The following LRRC4B variants were observed in gnomAD, a reference collection of about 807,000 sequenced individuals.
LRRC4B encodes leucine rich repeat containing 4B, also known as leucine-rich repeat-containing protein 4B.
LRRC4B carries 1 observed loss-of-function variant against 7.3 expected under a neutral mutation model. The observed-to-expected ratio is 0.14, with a 90% CI of 0.05 to 0.65. The LOEUF is 0.65. Ranked by LOEUF, LRRC4B falls within the 30% of genes least tolerant of loss-of-function variation. The pLI is 0.84. For synonymous variants in LRRC4B, 500 were observed against 499.2 expected (o/e 1.00, Z -0.02); for missense variants, 730 against 1,041.6 (o/e 0.70, Z 4.12).
intron 1 of LRRC4B, among the ~76,000 whole-genome samples, chr19:50,549,968 A>G (rs970304766): frequency 5.9e-5 from 9 of 152,180 alleles, no homozygotes; most frequent in African/African-American, 1.7e-4. Flanking sequence ...TACCTCCCCA[A>G]TCTGTCCTGC....
intron 1 of LRRC4B, among the ~76,000 whole-genome samples, chr19:50,560,868 C>T (rs572217365): frequency 2.2e-3 from 338 of 152,190 alleles, no homozygotes; most frequent in Non-Finnish European, 4.3e-3. Flanking sequence ...ACGGGCGGAT[C>T]GCTTGAGGTC....
chr19:50,536,680 T>A (rs1981306063), intron 2 of LRRC4B, among the ~76,000 whole-genome samples: 1 of 152,084 alleles, frequency 6.6e-6, no homozygotes, highest in South Asian at 2.1e-4. Context: ...CACGGGGTGG[T>A]GACGAGACCA....
In LRRC4B at chr19:50,549,925, G is replaced by A. The variant is rs58154728; in HGVS notation, c.-35-1052C>T. Among the ~76,000 whole-genome samples, 746 of 152,294 alleles carry A rather than the reference G, an allele frequency of 4.9e-3. 7 individuals are homozygous for A. The highest frequency in any genetic ancestry group is 0.016 in the African/African-American group (684 of 41,564). On this transcript the variant is annotated intron_variant, in intron 1 of 2. Coordinates refer to ENST00000652263, the MANE Select transcript of LRRC4B (RefSeq NM_001080457.2). ...CTGGGTTCTGGGAGGAAAGCAGACA[G>A]CGGGGACTCGGGCCCTCTGAGAAGT...
rs983431158 is a variant in LRRC4B at position 50,537,673 on chromosome 19, C to A, written c.297+10869G>T. Among the ~76,000 whole-genome samples, 5 of 152,154 alleles carry A rather than the reference C, an allele frequency of 3.3e-5. No homozygotes were observed. Among genetic ancestry groups the A allele is most frequent in the African/African-American group, 1.2e-4 (5 of 41,440 alleles). ...AACAGGTGTGAGCCACCGCGCCCGG[C>A]CGACTGTTCTTTTCTGTAAGTGTGC... On this transcript the variant is annotated intron_variant, in intron 2 of 2. Coordinates refer to ENST00000652263, the MANE Select transcript of LRRC4B (RefSeq NM_001080457.2). The surrounding 1 kb of genome is among the most constrained non-coding windows in gnomAD (Gnocchi z 5.5).
chr19:50,528,538 T>C (rs1280209129), intron 2 of LRRC4B, among the ~76,000 whole-genome samples: 1 of 152,122 alleles, frequency 6.6e-6, no homozygotes, highest in Non-Finnish European at 1.5e-5. Flanking sequence ...AGAGACAGCA[T>C]TTCGCCATGC....
In LRRC4B at chr19:50,562,742, G is replaced by GTT. The variant is rs552875438; in HGVS notation, c.-36+5200_-36+5201dup. On this transcript the variant is annotated intron_variant, in intron 1 of 2. Transcript: ENST00000652263. ...CTCTCCATCCAGGGTTTTTTTTTTT[G>GTT]TTTTTTTTTTTTTGGCGATGGAGTT... Among the ~76,000 whole-genome samples the GTT allele has an allele frequency of 4.7e-3, 601 of 128,290 alleles. 4 individuals are homozygous for GTT. The highest frequency in any genetic ancestry group is 8.2e-3 in the Middle Eastern group (2 of 244). 84.2% of individuals were successfully genotyped at this position (128,290 alleles called of 152,430 possible). A position where few individuals can be genotyped will look rare whatever the true frequency, so the allele number is the denominator to read the frequency against.
chr19:50,525,217 G>A (rs973118416), intron 2 of LRRC4B, among the ~76,000 whole-genome samples: 4 of 152,152 alleles, frequency 2.6e-5, no homozygotes, highest in South Asian at 4.1e-4. Flanking sequence ...CTCTTACCAC[G>A]AGGAGGATGA....
intron 2 of LRRC4B, among the ~76,000 whole-genome samples, chr19:50,543,185 G>A (rs1981629619): frequency 1.3e-5 from 2 of 152,224 alleles, no homozygotes; most frequent in Admixed American, 6.5e-5. Flanking sequence ...AGGTGCTGGG[G>A]ATCCGGCAGG....
chr19:50,517,715 C>G lies in LRRC4B; in HGVS notation c.1998G>C (p.Val666=). 6.4e-7 allele frequency: 1 copy of G among 1,552,808 alleles called. No homozygotes were observed. Among genetic ancestry groups the G allele is most frequent in the South Asian group, 1.2e-5 (1 of 83,730 alleles). ...TGTAGTGCGCCTTGAAGGCGGCAGC[C>G]ACGTAGTGGTGGTGGTTGAGGTGGT... ...ERDHLNHHHY[V]AAAFKAHYSS... Residue 666 remains valine (V), a synonymous_variant, in exon 3 of 3, where the codon GTG becomes GTC. Transcript: ENST00000652263. This position sits in a 1 kb window ranked among gnomAD's most constrained non-coding sequence, Gnocchi z 6.6.
intron 2 of LRRC4B, among the ~76,000 whole-genome samples, chr19:50,527,730 TTC>T (rs946038306): frequency 3.0e-5 from 4 of 134,552 alleles, no homozygotes; most frequent in African/African-American, 1.2e-4. Flanking sequence ...CCCTCCCTCT[TTC>T]TCTCTTTCTT....
intron 1 of LRRC4B, among the ~76,000 whole-genome samples, chr19:50,559,513 C>G (rs1266409546): frequency 6.6e-6 from 1 of 152,222 alleles, no homozygotes; most frequent in Non-Finnish European, 1.5e-5. Flanking sequence ...CTTAACACCC[C>G]TGAACTGAAT....
intron 1 of LRRC4B, among the ~76,000 whole-genome samples, chr19:50,561,259 G>T (rs1006214126): frequency 2.6e-5 from 4 of 151,920 alleles, no homozygotes; most frequent in Non-Finnish European, 5.9e-5. Context: ...GGGGGCCCAT[G>T]GGATCACATT....
At chr19:50,551,902 G>A (rs1430308636) in intron 1 of LRRC4B, among the ~76,000 whole-genome samples, 1 of 151,054 alleles carries the variant, frequency 6.6e-6, no homozygotes, top group East Asian at 2.0e-4. Context: ...TCTGAACGGG[G>A]AGGGCGCCTC....
chr19:50,529,206 C>T (rs1437760930), intron 2 of LRRC4B, among the ~76,000 whole-genome samples: 2 of 152,122 alleles, frequency 1.3e-5, no homozygotes, highest in African/African-American at 4.8e-5. Context: ...CATATCAATG[C>T]GTTAGGAGCC....
At chr19:50,533,026 T>G (rs573272755) in intron 2 of LRRC4B, among the ~76,000 whole-genome samples, 1 of 152,358 alleles carries the variant, frequency 6.6e-6, no homozygotes, top group African/African-American at 2.4e-5. Context: ...CTGAGATCAT[T>G]AAAGCTACAT....
At position 50,548,690 on chromosome 19, in the gene LRRC4B, C is replaced by T. The variant is rs1162501572; in HGVS notation, c.149G>A (p.Gly50Asp). Residue 50 changes from glycine to aspartate, a missense_variant, in exon 2 of 3, where the codon GGC (glycine) becomes GAC (aspartate). Physicochemically the swap from Gly to Asp is moderately conservative, Grantham distance 94. Around this residue, in one of 6 missense-constraint regions of LRRC4B, gnomAD observed 143 missense variants for 158.4 expected, o/e 0.90. Coordinates refer to ENST00000652263, the MANE Select transcript of LRRC4B (RefSeq NM_001080457.2). This position sits in a 1 kb window ranked among gnomAD's most constrained non-coding sequence, Gnocchi z 6.8. ...GVAVTSAAGG[G>D]SPPATSCPVA... ...GGGGCAGGAGGTGGCCGGCGGGGAG[C>T]CCCCTCCGGCGGCAGACGTCACGGC... 1.9e-6 allele frequency: 3 copies of T among 1,547,530 alleles called. No individual in the cohort carries two copies. The highest frequency in any genetic ancestry group is 4.8e-5 in the East Asian group (2 of 41,494).
rs1328147349 is a variant in LRRC4B, at chr19:50,555,037, C to G, written c.-35-6164G>C. Among the ~76,000 whole-genome samples the G allele has an allele frequency of 6.6e-6, 1 of 152,208 alleles. No homozygotes were observed. On this transcript the variant is annotated intron_variant, in intron 1 of 2. Transcript: ENST00000652263. This position sits in a 1 kb window ranked among gnomAD's most constrained non-coding sequence, Gnocchi z 5.2. ...CACCCGCACTGCACAGGATATCACA[C>G]GCCCGACACCCCACCACGGCTTCAC...
At chr19:50,565,212 G>C (rs975906616) in intron 1 of LRRC4B, among the ~76,000 whole-genome samples, 1 of 152,200 alleles carries the variant, frequency 6.6e-6, no homozygotes, top group African/African-American at 2.4e-5. Context: ...CTCTGTGACT[G>C]TCTTAGCGGC....
intron 2 of LRRC4B, among the ~76,000 whole-genome samples, chr19:50,538,904 T>C (rs145669391): frequency 1.1e-3 from 161 of 151,268 alleles, no homozygotes; most frequent in African/African-American, 3.7e-3. Flanking sequence ...CCTTTTTTTT[T>C]TCAAGACGGA....
Sources: allele counts gnomAD v4.1 joint callset (sites outside exome capture counted in the v4.1 genomes callset), GRCh38; gene constraint gnomAD v4.1.1; regional missense constraint gnomAD v4.1.1; non-coding constraint Gnocchi (gnomAD v3.1); transcripts MANE v1.5; gene names NCBI Gene and HGNC (gene_info 2026-07-23, HGNC 2026-07-21).